Variants in RABGAP1L observed in about 807,000 individuals in gnomAD.
RABGAP1L encodes rab GTPase-activating protein 1-like.
A neutral mutation model predicts 137.7 loss-of-function variants in RABGAP1L; 63 were observed. The ratio of observed to expected loss-of-function variants is 0.46; its 90% CI spans 0.37 to 0.56. The LOEUF (loss-of-function observed/expected upper bound fraction) is 0.56, where lower values mean the gene tolerates loss of function less well. RABGAP1L is among the 20% of genes least tolerant of loss of function. RABGAP1L has a pLI of 0.00. For synonymous variants in RABGAP1L, 431 were observed against 433.7 expected (o/e 0.99, Z 0.08); for missense variants, 1,095 against 1,244.0 (o/e 0.88, Z 1.80).
intron 19 of RABGAP1L, among the ~76,000 whole-genome samples, chr1:174,911,607 CCATT>C (rs1464466192): frequency 6.6e-6 from 1 of 151,970 alleles, no homozygotes; most frequent in Non-Finnish European, 1.5e-5. Flanking sequence ...TAAATATAGC[CCATT>C]CAAATACTCG....
At chr1:174,832,727 A>G (rs1348153341) in intron 19 of RABGAP1L, among the ~76,000 whole-genome samples, 4 of 152,166 alleles carry the variant, frequency 2.6e-5, no homozygotes, top group African/African-American at 9.7e-5. Context: ...CTGTGTGTTC[A>G]TGACTTTTGC....
intron 18 of RABGAP1L, chr1:174,756,827 G>A (rs1025117987): frequency 1.8e-6 from 1 of 566,788 alleles, no homozygotes; most frequent in Non-Finnish European, 3.4e-6. Context: ...GAGGGCTGGG[G>A]ATTGAGGGCT....
At chr1:174,222,676 G>A (rs1373947550) in intron 3 of RABGAP1L, among the ~76,000 whole-genome samples, 1 of 152,140 alleles carries the variant, frequency 6.6e-6, no homozygotes. Context: ...TGAAACAGGA[G>A]CAGTTAGGGC....
At chr1:174,626,716 A>C (rs1572582588) in intron 13 of RABGAP1L, among the ~76,000 whole-genome samples, 1 of 152,234 alleles carries the variant, frequency 6.6e-6, no homozygotes, top group Admixed American at 6.5e-5. Flanking sequence ...CTTTTGTATT[A>C]TTGTCTCTAG....
At chr1:174,953,035 CAA>C (rs34788853) in intron 19 of RABGAP1L, among the ~76,000 whole-genome samples, 39 of 97,280 alleles carry the variant, frequency 4.0e-4, no homozygotes, top group Admixed American at 6.5e-4. Context: ...GGGTGGCATG[CAA>C]AAAAAAAAAA....
chr1:174,250,341 G>T (rs755552283), intron 5 of RABGAP1L, 134 bp from the exon 6 acceptor site: 157 of 570,620 alleles, frequency 2.8e-4, no homozygotes, highest in Non-Finnish European at 4.2e-4. Context: ...TAAATACTTA[G>T]ACTATATATA....
chr1:174,739,142 T>C (rs1034802833), intron 17 of RABGAP1L, among the ~76,000 whole-genome samples: 2 of 152,200 alleles, frequency 1.3e-5, no homozygotes, highest in African/African-American at 4.8e-5. Context: ...CTCCATTAGA[T>C]AGGTACCTTT....
At chr1:174,469,739 C>A (rs1248951259) in intron 13 of RABGAP1L, among the ~76,000 whole-genome samples, 2 of 152,056 alleles carry the variant, frequency 1.3e-5, no homozygotes, top group East Asian at 3.9e-4. Context: ...TGCATTATTT[C>A]CAAAAGCTGT....
chr1:174,383,832 T>A (rs922437997), intron 12 of RABGAP1L, among the ~76,000 whole-genome samples: 1 of 152,092 alleles, frequency 6.6e-6, no homozygotes, highest in Non-Finnish European at 1.5e-5. Flanking sequence ...GCAACTCTCA[T>A]ATGTTGCTGG....
intron 17 of RABGAP1L, 47 bp from the exon 18 acceptor site, chr1:174,752,266 G>A (rs1464295298): frequency 3.8e-6 from 5 of 1,314,242 alleles, no homozygotes; most frequent in African/African-American, 1.5e-5. Context: ...TAATAAAATA[G>A]TGATACATGT....
intron 13 of RABGAP1L, among the ~76,000 whole-genome samples, chr1:174,421,426 G>C (rs1048880918): frequency 1.3e-5 from 2 of 152,116 alleles, no homozygotes; most frequent in African/African-American, 4.8e-5. Context: ...AAATGTTTCA[G>C]TGACATATTC....
intron 13 of RABGAP1L, among the ~76,000 whole-genome samples, chr1:174,575,126 C>T (rs1291519898): frequency 6.6e-6 from 1 of 152,148 alleles, no homozygotes; most frequent in Non-Finnish European, 1.5e-5. Flanking sequence ...CACGGGGTTT[C>T]TCCATGTTAG....
At chr1:174,607,718 TG>T (rs1406239393) in intron 13 of RABGAP1L, among the ~76,000 whole-genome samples, 1 of 152,248 alleles carries the variant, frequency 6.6e-6, no homozygotes, top group Non-Finnish European at 1.5e-5. Context: ...AATACTAACT[TG>T]GAAGAGTGTT....
intron 13 of RABGAP1L, among the ~76,000 whole-genome samples, chr1:174,459,880 CAAAT>C (rs199710774): frequency 0.012 from 1,857 of 152,006 alleles, 40 homozygotes; most frequent in African/African-American, 0.043. Context: ...TTTTCCCAAA[CAAAT>C]GAATAGAAAA....
intron 13 of RABGAP1L, among the ~76,000 whole-genome samples, chr1:174,426,433 T>A (rs1314720671): frequency 6.6e-6 from 1 of 152,124 alleles, no homozygotes; most frequent in Non-Finnish European, 1.5e-5. Context: ...AATGGTTTCC[T>A]AAAATTTTCC....
At chr1:174,835,356 C>T (rs1024164170) in intron 19 of RABGAP1L, among the ~76,000 whole-genome samples, 4 of 152,064 alleles carry the variant, frequency 2.6e-5, no homozygotes, top group Admixed American at 6.6e-5. Flanking sequence ...TAGTTGAACT[C>T]GTAATCGAAC....
At chr1:174,696,600 C>A (rs1428128033) in intron 15 of RABGAP1L, among the ~76,000 whole-genome samples, 2 of 152,138 alleles carry the variant, frequency 1.3e-5, no homozygotes, top group Non-Finnish European at 2.9e-5. Flanking sequence ...CTGAATCCTT[C>A]CTTGTTGTGT....
At chr1:174,729,950 C>T (rs1682323266) in intron 17 of RABGAP1L, among the ~76,000 whole-genome samples, 1 of 152,042 alleles carries the variant, frequency 6.6e-6, no homozygotes, top group African/African-American at 2.4e-5. Context: ...ACCATTTGAC[C>T]CAGCAATCCC....
chr1:174,179,414 T>G (rs946334931), intron 1 of RABGAP1L, among the ~76,000 whole-genome samples: 1 of 152,242 alleles, frequency 6.6e-6, no homozygotes, highest in Admixed American at 6.5e-5. Flanking sequence ...TTCTGAAAAC[T>G]ATTATACTTT....
Sources: gnomAD v4.1 joint callset for allele counts (sites outside exome capture counted in the v4.1 genomes callset) on GRCh38, gnomAD v4.1.1 for gene constraint, MANE v1.5 for transcripts, NCBI Gene and HGNC (gene_info 2026-07-23, HGNC 2026-07-21) for gene names.